MS4A4E: variants seen among roughly 807,000 people sequenced by gnomAD.
MS4A4E encodes the protein membrane spanning 4-domains A4E.
In MS4A4E, 23 loss-of-function variants were observed where a neutral mutation model predicts 13.3. The observed-to-expected ratio is 1.73, with a 90% CI of 1.25 to 2.45. The LOEUF is 2.45. Among genes scored for constraint, MS4A4E ranks in the 30% most tolerant of loss-of-function variants. The pLI is 0.00. For synonymous variants in MS4A4E, 36 were observed against 45.6 expected (o/e 0.79, Z 0.85); for missense variants, 144 against 131.2 (o/e 1.10, Z -0.48).
chr11:60,208,239 T>A (rs1176328939), intron 6 of MS4A4E, among the ~76,000 whole-genome samples: 1 of 152,216 alleles, frequency 6.6e-6, no homozygotes, highest in Non-Finnish European at 1.5e-5. Context: ...GGACCTCACC[T>A]CTTCATGTGA....
chr11:60,203,704 A>G (rs1381578669), intron 8 of MS4A4E, among the ~76,000 whole-genome samples: 3 of 152,210 alleles, frequency 2.0e-5, no homozygotes, highest in Non-Finnish European at 4.4e-5. Flanking sequence ...AGCCAAGATC[A>G]TACCCCTGCA....
intron 3 of MS4A4E, among the ~76,000 whole-genome samples, chr11:60,217,779 C>T (rs1237536393): frequency 6.6e-6 from 1 of 152,192 alleles, no homozygotes; most frequent in Non-Finnish European, 1.5e-5. Context: ...ACTTTCATCT[C>T]TTAATCCTGT....
At chr11:60,237,741 T>G (rs972258796) in intron 1 of MS4A4E, among the ~76,000 whole-genome samples, 1 of 152,212 alleles carries the variant, frequency 6.6e-6, no homozygotes, top group Non-Finnish European at 1.5e-5. Flanking sequence ...GTTGGCCGCA[T>G]GTACATCTTA....
At chr11:60,227,114 C>A (rs1327946157) in intron 3 of MS4A4E, among the ~76,000 whole-genome samples, 1 of 96,722 alleles carries the variant, frequency 1.0e-5, no homozygotes, top group Non-Finnish European at 2.1e-5. Context: ...TGTACAAAAT[C>A]TATAAGAGAA....
intron 3 of MS4A4E, among the ~76,000 whole-genome samples, chr11:60,221,953 T>C (rs1263288992): frequency 1.3e-5 from 2 of 152,150 alleles, no homozygotes; most frequent in Non-Finnish European, 2.9e-5. Flanking sequence ...AATGAGTCCA[T>C]GAACGAAGTG....
intron 3 of MS4A4E, among the ~76,000 whole-genome samples, chr11:60,217,246 C>G (rs546646226): frequency 1.3e-5 from 2 of 152,134 alleles, no homozygotes; most frequent in African/African-American, 2.4e-5. Flanking sequence ...TTTTATCATG[C>G]GATTTGCTGA....
At chr11:60,222,429 G>A (rs1330164076) in intron 3 of MS4A4E, among the ~76,000 whole-genome samples, 4 of 152,192 alleles carry the variant, frequency 2.6e-5, no homozygotes. Flanking sequence ...ATAGAATGGT[G>A]GAATGTCCTT....
At chr11:60,239,320 T>A (rs537956624) in intron 1 of MS4A4E, among the ~76,000 whole-genome samples, 8 of 152,344 alleles carry the variant, frequency 5.3e-5, no homozygotes, top group African/African-American at 1.4e-4. Flanking sequence ...TAATAAATAC[T>A]AACTACCTAT....
Position 60,218,539 on chromosome 11 carries a change from C to A in MS4A4E, c.179-3925G>T, listed in dbSNP as rs1484378932. 2.0e-5 allele frequency among the ~76,000 whole-genome samples: 3 copies of A among 152,190 alleles called. No homozygotes were observed. In the East Asian group the frequency reaches 5.8e-4, roughly 29 times the overall value. On this transcript the variant is annotated intron_variant, in intron 3 of 8. Transcript: ENST00000651255. ...AATTTCTCTCTTTTGTGTACTCTGT[C>A]CCTTTATTTCTCAAGCCAGCCAACG...
chr11:60,220,713 G>A (rs1300330908), intron 3 of MS4A4E, among the ~76,000 whole-genome samples: 1 of 152,230 alleles, frequency 6.6e-6, no homozygotes, highest in Non-Finnish European at 1.5e-5. Flanking sequence ...TAGGGGTTCA[G>A]TGGTGTGGGG....
chr11:60,242,782 C>A (rs2084566950), intron 1 of MS4A4E, among the ~76,000 whole-genome samples, 176 bp downstream of exon 1: 1 of 152,114 alleles, frequency 6.6e-6, no homozygotes, highest in Admixed American at 6.6e-5. Context: ...CCACCCACAA[C>A]CCTCACCAAA....
intron 6 of MS4A4E, among the ~76,000 whole-genome samples, chr11:60,207,442 G>A (rs2084062418): frequency 6.6e-6 from 1 of 152,178 alleles, no homozygotes; most frequent in East Asian, 1.9e-4. Context: ...CTCACCTCTA[G>A]GGTTTTACAA....
At chr11:60,215,122 G>C (rs2134933438) in intron 3 of MS4A4E, among the ~76,000 whole-genome samples, 1 of 151,994 alleles carries the variant, frequency 6.6e-6, no homozygotes, top group East Asian at 1.9e-4. Context: ...TAATCAAGTT[G>C]GTTGGACTCT....
At chr11:60,229,862 T>C (rs608659) in intron 2 of MS4A4E, 50 bp downstream of exon 2, 1,542,936 of 1,543,672 alleles carry the variant, frequency 1, 771,103 homozygotes, top group East Asian at 1. Flanking sequence ...TCTGATCAAA[T>C]GTGAGTTTAC....
chr11:60,237,832 T>C (rs1201250845), intron 1 of MS4A4E, among the ~76,000 whole-genome samples: 1 of 152,130 alleles, frequency 6.6e-6, no homozygotes, highest in Non-Finnish European at 1.5e-5. Context: ...TAATAGCTTT[T>C]TATTTGGTAG....
chr11:60,237,466 G>A (rs866609182), intron 1 of MS4A4E, among the ~76,000 whole-genome samples: 5 of 152,062 alleles, frequency 3.3e-5, no homozygotes, highest in African/African-American at 4.8e-5. Flanking sequence ...ATATACCCAC[G>A]GTGGGATTGA....
At chr11:60,241,117 G>A (rs955644418) in intron 1 of MS4A4E, among the ~76,000 whole-genome samples, 14 of 152,228 alleles carry the variant, frequency 9.2e-5, no homozygotes, top group East Asian at 3.9e-4. Flanking sequence ...TCCGCCTCCC[G>A]GGTTCACGCC....
rs1565116619 is a variant in MS4A4E at position 60,206,474 on chromosome 11, C to CATATATATATATGT, written c.484-655_484-654insACATATATATATAT. Among the ~76,000 whole-genome samples, 81 of 82,464 alleles carry CATATATATATATGT rather than the reference C, an allele frequency of 9.8e-4. 2 individuals carry two copies. Among genetic ancestry groups the CATATATATATATGT allele is most frequent in the East Asian group, 7.9e-3 (22 of 2,790 alleles). 54.1% of individuals were successfully genotyped at this position (82,464 alleles called of 152,430 possible). ...AATTTTGAATATATACACACACACA[C>CATATATATATATGT]ATATATATATATATGTATATATATA... On this transcript the variant is annotated intron_variant, in intron 6 of 8. Transcript: ENST00000651255.
chr11:60,203,535 G>A (rs951067186), intron 8 of MS4A4E, among the ~76,000 whole-genome samples: 6 of 152,098 alleles, frequency 3.9e-5, no homozygotes, highest in African/African-American at 1.4e-4. Flanking sequence ...GATCGCCTGA[G>A]CTCATGAGTT....
Sources: allele counts gnomAD v4.1 joint callset (sites outside exome capture counted in the v4.1 genomes callset), GRCh38; gene constraint gnomAD v4.1.1; transcripts MANE v1.5; gene names NCBI Gene and HGNC (gene_info 2026-07-23, HGNC 2026-07-21).